SCTR: variants seen among roughly 807,000 people sequenced by gnomAD.
SCTR encodes secretin receptor, also known as pancreatic secretin receptor.
A neutral mutation model predicts 60.8 loss-of-function variants in SCTR; 56 were observed. That is an observed-to-expected ratio of 0.92 (90% confidence interval 0.74 to 1.15). The LOEUF is 1.15. Ranked by LOEUF, SCTR falls within the 50% of genes most tolerant of loss-of-function variation. SCTR has a pLI of 0.00. For synonymous variants in SCTR, 202 were observed against 217.0 expected, an observed-to-expected ratio of 0.93 and a Z score of 0.61; for missense variants, 562 against 550.4, an observed-to-expected ratio of 1.02 and a Z score of -0.21.
rs150314494 is a variant in SCTR at position 119,507,498 on chromosome 2, C to T, written c.73-12950G>A. 4.0e-3 allele frequency among the ~76,000 whole-genome samples: 609 copies of T among 152,166 alleles called. 2 individuals are homozygous for T. The highest frequency in any genetic ancestry group is 6.0e-3 in the Non-Finnish European group (411 of 68,022). The stretch of plus-strand genomic sequence containing the variant: ...TTGTCAGGGGAATAGGGGAAGAACT[C>T]GTCCCCTGGCTGTCACTAGTAAGGT... On this transcript the variant is annotated intron_variant, in intron 1 of 12. Transcript: ENST00000019103.
intron 2 of SCTR, 91 bp from the exon 3 acceptor site, chr2:119,479,009 TG>T: frequency 6.4e-7 from 1 of 1,560,666 alleles, no homozygotes; most frequent in Non-Finnish European, 8.7e-7. Flanking sequence ...CTTGCCTGCC[TG>T]GAATTCCCAC....
chr2:119,464,454 GAA>G (rs11323674), intron 5 of SCTR, among the ~76,000 whole-genome samples, 199 bp from the exon 6 acceptor site: 98 of 126,792 alleles, frequency 7.7e-4, no homozygotes, highest in African/African-American at 2.2e-3. Context: ...GCTGCAGTGA[GAA>G]AAAAAAAAAA....
intron 9 of SCTR, among the ~76,000 whole-genome samples, chr2:119,451,032 T>C (rs1355908081): frequency 1.3e-5 from 2 of 152,076 alleles, no homozygotes; most frequent in Non-Finnish European, 2.9e-5. Flanking sequence ...TAAAAAAGAA[T>C]AAAAGAAGGT....
chr2:119,506,788 T>C (rs1370006935), intron 1 of SCTR, among the ~76,000 whole-genome samples: 2 of 152,172 alleles, frequency 1.3e-5, no homozygotes, highest in Non-Finnish European at 2.9e-5. Context: ...TATAATGCTC[T>C]TGAAATGACA....
chr2:119,463,730 T>A (rs1010243331), intron 6 of SCTR, among the ~76,000 whole-genome samples: 2 of 152,194 alleles, frequency 1.3e-5, no homozygotes, highest in African/African-American at 4.8e-5. Flanking sequence ...TATACAGACA[T>A]ACTGGCCCAT....
intron 9 of SCTR, among the ~76,000 whole-genome samples, 190 bp from the exon 10 acceptor site, chr2:119,448,970 A>G (rs989658038): frequency 1.3e-5 from 2 of 152,192 alleles, no homozygotes; most frequent in Non-Finnish European, 2.9e-5. Context: ...TCTAGAGTCC[A>G]TGGCTGGAGG....
intron 1 of SCTR, among the ~76,000 whole-genome samples, chr2:119,501,743 T>C (rs1048975567): frequency 2.6e-5 from 4 of 151,828 alleles, no homozygotes; most frequent in Admixed American, 6.6e-5. Context: ...CTCCAAAATA[T>C]GTAAAACTAT....
At chr2:119,482,356 T>C (rs1268978416) in intron 2 of SCTR, among the ~76,000 whole-genome samples, 2 of 151,940 alleles carry the variant, frequency 1.3e-5, no homozygotes, top group African/African-American at 4.8e-5. Flanking sequence ...AGTCCTGAAA[T>C]CAGGACGCCT....
chr2:119,460,296 C>A (rs1333070675), intron 7 of SCTR, among the ~76,000 whole-genome samples: 1 of 152,072 alleles, frequency 6.6e-6, no homozygotes, highest in African/African-American at 2.4e-5. Context: ...TCTCTGTAAG[C>A]CTTTGAGTCA....
At chr2:119,517,888 C>T (rs1679164852) in intron 1 of SCTR, among the ~76,000 whole-genome samples, 1 of 152,134 alleles carries the variant, frequency 6.6e-6, no homozygotes, top group Admixed American at 6.5e-5. Flanking sequence ...TGAAGCCCTA[C>T]CCCCAGGGTG....
intron 7 of SCTR, 145 bp downstream of exon 7, chr2:119,461,702 A>G: frequency 3.2e-6 from 2 of 630,602 alleles, no homozygotes; most frequent in South Asian, 3.0e-5. Flanking sequence ...CAAGAGCAAA[A>G]CTCCAACTCA....
chr2:119,524,301 C>A lies in SCTR; in HGVS notation c.-75G>T. On this transcript the variant is annotated 5_prime_UTR_variant, in exon 1 of 13. Transcript: ENST00000019103. ...CTCTGCCCGCTCGGGAGCTCAGCGCCCCGCGCAGGGTCCCGGGCTCCGGCC... is the reference window on the plus strand; with the variant it reads ...CTCTGCCCGCTCGGGAGCTCAGCGCACCGCGCAGGGTCCCGGGCTCCGGCC... 1.9e-6 allele frequency: 2 copies of A among 1,042,142 alleles called. No homozygotes were observed. The highest frequency in any genetic ancestry group is 2.6e-6 in the Non-Finnish European group (2 of 778,280). The allele number at this position is 1,042,142 out of a possible 1,614,324, so 64.6% of individuals were successfully genotyped here.
intron 1 of SCTR, among the ~76,000 whole-genome samples, chr2:119,497,621 A>C (rs1000140229): frequency 6.6e-5 from 10 of 151,784 alleles, no homozygotes; most frequent in Admixed American, 2.6e-4. Flanking sequence ...GGAAGGCAGG[A>C]AGGCAGGCAG....
At chr2:119,479,316 C>T (rs1397922485) in intron 2 of SCTR, 1 of 991,336 alleles carries the variant, frequency 1.0e-6, no homozygotes, top group South Asian at 4.7e-5. Context: ...GGTACGACTA[C>T]CTGGGGAGCT....
intron 9 of SCTR, among the ~76,000 whole-genome samples, chr2:119,451,725 CA>C (rs1280369127): frequency 6.6e-6 from 1 of 152,226 alleles, no homozygotes; most frequent in Non-Finnish European, 1.5e-5. Flanking sequence ...GGGAGCCAGC[CA>C]GTTTAGAACA....
chr2:119,497,337 A>C (rs1678390915), intron 1 of SCTR, among the ~76,000 whole-genome samples: 1 of 149,272 alleles, frequency 6.7e-6, no homozygotes, highest in South Asian at 2.1e-4. Context: ...CATTCCCCCC[A>C]CTTCCCCTCT....
intron 1 of SCTR, among the ~76,000 whole-genome samples, chr2:119,507,836 G>A (rs116099306): frequency 0.015 from 2,254 of 151,802 alleles, 26 homozygotes; most frequent in Non-Finnish European, 0.023. Flanking sequence ...CAGCCACCAC[G>A]CCCAACTAAT....
chr2:119,483,178 G>A (rs1320498563), intron 2 of SCTR, among the ~76,000 whole-genome samples: 1 of 152,208 alleles, frequency 6.6e-6, no homozygotes, highest in Non-Finnish European at 1.5e-5. Context: ...GTCACGTCAG[G>A]CAGGGCCCCC....
chr2:119,505,499 A>G (rs1678709761), intron 1 of SCTR, among the ~76,000 whole-genome samples: 1 of 151,874 alleles, frequency 6.6e-6, no homozygotes, highest in Non-Finnish European at 1.5e-5. Context: ...AATGTGGCAC[A>G]TATACACCAT....
Sources: gnomAD v4.1 joint callset for allele counts (sites outside exome capture counted in the v4.1 genomes callset) on GRCh38, gnomAD v4.1.1 for gene constraint, MANE v1.5 for transcripts, NCBI Gene and HGNC (gene_info 2026-07-23, HGNC 2026-07-21) for gene names.